WNK2: variants seen among roughly 807,000 people sequenced by gnomAD.
WNK2 encodes WNK lysine deficient protein kinase 2.
In WNK2, 67 loss-of-function variants were observed where a neutral mutation model predicts 192.1. The observed-to-expected ratio is 0.35, with a 90% CI of 0.29 to 0.43. WNK2 has a LOEUF of 0.43. Ranked by LOEUF, WNK2 falls within the 20% of genes least tolerant of loss-of-function variation. WNK2 has a pLI of 1.00. For missense variants in WNK2, 2,698 were observed against 3,089.7 expected (o/e 0.87, Z 3.01); for synonymous variants, 1,439 against 1,393.9 (o/e 1.03, Z -0.72).
chr9:93,308,122 A>C (rs960552728), intron 27 of WNK2: 176 of 1,081,500 alleles, frequency 1.6e-4, no homozygotes, highest in Non-Finnish European at 2.1e-4. Context: ...GGTGATGGCC[A>C]CCTGGCACAG....
intron 2 of WNK2, among the ~76,000 whole-genome samples, chr9:93,219,002 A>T (rs1044814849): frequency 6.6e-6 from 1 of 152,166 alleles, no homozygotes; most frequent in Non-Finnish European, 1.5e-5. Flanking sequence ...CCACCCAGTG[A>T]CATGGCACCA....
rs58293954 is a variant in WNK2, at chr9:93,249,907, ATTTTTT to A, written c.1834+2094_1834+2099del. 1.1e-3 allele frequency among the ~76,000 whole-genome samples: 96 copies of A among 85,442 alleles called. 1 individual carries two copies. Among genetic ancestry groups the A allele is most frequent in the African/African-American group, 2.5e-3 (52 of 20,614 alleles). 56.1% of individuals were successfully genotyped at this position (85,442 alleles called of 152,430 possible). A position where few individuals can be genotyped will look rare whatever the true frequency, so the allele number is the denominator to read the frequency against. On this transcript the variant is annotated intron_variant, in intron 8 of 29. Coordinates refer to ENST00000427277, the MANE Select transcript of WNK2 (RefSeq NM_006648.4). ...TCCCTAGAGGCAACAGATGCTACCA[ATTTTTT>A]TTTTTTTTTTTTTTTTTTTTAAAGA...
chr9:93,256,542 C>T (rs1482871897), intron 10 of WNK2, 88 bp downstream of exon 10: 15 of 1,385,334 alleles, frequency 1.1e-5, no homozygotes, highest in Non-Finnish European at 1.3e-5. Context: ...GAGCACCTCC[C>T]ACAGACCCTT....
In WNK2 at chr9:93,259,685, A is replaced by G; in HGVS notation, c.3066+71A>G. On this transcript the variant is annotated intron_variant, in intron 12 of 29. Coordinates refer to ENST00000427277, the MANE Select transcript of WNK2 (RefSeq NM_006648.4). The surrounding 1 kb of genome is among the most constrained non-coding windows in gnomAD (Gnocchi z 4.8). ...CCCTCAGGACCCAGAGATGCAAAGG[A>G]GGACAGAGGCAGGCAAGGAGGCAGC... 7.2e-7 allele frequency: 1 copy of G among 1,388,300 alleles called. No individual in the cohort carries two copies. The highest frequency in any genetic ancestry group is 9.5e-7 in the Non-Finnish European group (1 of 1,050,676). The allele number at this position is 1,388,300 out of a possible 1,614,324, so 86.0% of individuals were successfully genotyped here.
rs180863418 is a variant in WNK2, at chr9:93,247,117, G to A, written c.1543-426G>A. On this transcript the variant is annotated intron_variant, in intron 7 of 29. Coordinates refer to ENST00000427277, the MANE Select transcript of WNK2 (RefSeq NM_006648.4). The surrounding 1 kb of genome is among the most constrained non-coding windows in gnomAD (Gnocchi z 5.2). Reference sequence around the variant, plus strand: ...CCATCTGCAACTCGGGTGTGGCCCCGTTCCCCATCTTTGGGCAGCCCCAGA... The same window carrying A: ...CCATCTGCAACTCGGGTGTGGCCCCATTCCCCATCTTTGGGCAGCCCCAGA... 6.6e-6 allele frequency among the ~76,000 whole-genome samples: 1 copy of A among 152,274 alleles called. No individual in the cohort carries two copies. The highest frequency in any genetic ancestry group is 1.9e-4 in the East Asian group (1 of 5,174).
chr9:93,210,048 G>A (rs376095971), intron 2 of WNK2, among the ~76,000 whole-genome samples: 19 of 152,320 alleles, frequency 1.2e-4, no homozygotes, highest in African/African-American at 4.6e-4. Context: ...GCCCCACTGT[G>A]AGGATGGTGG....
At position 93,259,650 on chromosome 9, in the gene WNK2, C is replaced by T. The variant is rs1311529479; in HGVS notation, c.3066+36C>T. On this transcript the variant is annotated intron_variant, in intron 12 of 29. Transcript: ENST00000427277. The surrounding 1 kb of genome is among the most constrained non-coding windows in gnomAD (Gnocchi z 4.8). ...GCTGGGCAGGGGCTCACCCTCCCAG[C>T]GTCTGGGGACCCTCAGGACCCAGAG... 8.0e-6 allele frequency: 12 copies of T among 1,499,370 alleles called. No individual in the cohort carries two copies. Among genetic ancestry groups the T allele is most frequent in the East Asian group, 2.3e-5 (1 of 42,586 alleles). The allele number at this position is 1,499,370 out of a possible 1,614,324, so 92.9% of individuals were successfully genotyped here.
chr9:93,188,020 G>A (rs1829657595), intron 2 of WNK2, among the ~76,000 whole-genome samples: 1 of 152,168 alleles, frequency 6.6e-6, no homozygotes, highest in Non-Finnish European at 1.5e-5. Context: ...ACAGTGTGGA[G>A]ATGCCATCCT....
At chr9:93,308,106 G>C in intron 27 of WNK2, 2 of 887,172 alleles carry the variant, frequency 2.3e-6, no homozygotes, top group Non-Finnish European at 3.3e-6. Flanking sequence ...CCTGGCTTCT[G>C]AGGTGGGTGA....
intron 2 of WNK2, among the ~76,000 whole-genome samples, chr9:93,226,525 A>G (rs1367984123): frequency 1.3e-5 from 2 of 152,144 alleles, no homozygotes; most frequent in Admixed American, 1.3e-4. Context: ...TTAAGTGTGC[A>G]AGTTGAGCTC....
At chr9:93,184,503 C>T (rs995861252) in intron 1 of WNK2, among the ~76,000 whole-genome samples, 118 bp downstream of exon 1, 14 of 152,044 alleles carry the variant, frequency 9.2e-5, no homozygotes, top group Admixed American at 2.0e-4. Context: ...TGTGGAGCCG[C>T]CGCCGGGCCA....
At chr9:93,245,934 A>G (rs550207483) in intron 7 of WNK2, among the ~76,000 whole-genome samples, 110 of 152,258 alleles carry the variant, frequency 7.2e-4, no homozygotes, top group African/African-American at 2.4e-3. Context: ...CATTTGTGAC[A>G]TGGCTTCCCC....
At chr9:93,289,877 A>G in intron 20 of WNK2, 101 bp from the exon 21 acceptor site, 1 of 1,233,514 alleles carries the variant, frequency 8.1e-7, no homozygotes, top group Admixed American at 2.2e-5. Flanking sequence ...GGGGCAGCCC[A>G]GGGGCAGCTT....
chr9:93,316,084 C>A (rs1023732009), intron 28 of WNK2: 1 of 152,180 alleles, frequency 6.6e-6, no homozygotes, highest in Non-Finnish European at 1.5e-5. Context: ...AGCAGACATT[C>A]GTCAAGTGGT....
chr9:93,280,930 A>G (rs1391583031), intron 19 of WNK2, among the ~76,000 whole-genome samples: 1 of 152,240 alleles, frequency 6.6e-6, no homozygotes, highest in African/African-American at 2.4e-5. Context: ...ACATTGCAGC[A>G]TGGATGATTT....
At chr9:93,233,684 A>G (rs1839294256) in intron 4 of WNK2, among the ~76,000 whole-genome samples, 1 of 140,474 alleles carries the variant, frequency 7.1e-6, no homozygotes, top group African/African-American at 2.7e-5. Flanking sequence ...CCTGGGGGAC[A>G]GAGTGAGATT....
At chr9:93,199,346 C>T (rs912956148) in intron 2 of WNK2, among the ~76,000 whole-genome samples, 1 of 152,176 alleles carries the variant, frequency 6.6e-6, no homozygotes, top group Admixed American at 6.5e-5. Context: ...GACCTCCTAC[C>T]TTAGCCCTGC....
chr9:93,255,403 G>A (rs1022290284), intron 9 of WNK2, among the ~76,000 whole-genome samples: 3 of 152,160 alleles, frequency 2.0e-5, no homozygotes, highest in Admixed American at 1.3e-4. Context: ...GCTGGTAGAC[G>A]GATGGTCCGG....
chr9:93,288,746 T>C, intron 19 of WNK2, 42 bp from the exon 20 acceptor site: 1 of 1,546,188 alleles, frequency 6.5e-7, no homozygotes, highest in Non-Finnish European at 8.7e-7. Flanking sequence ...TAGATAGGAC[T>C]GGAGTACCCT....
Sources: gnomAD v4.1 joint callset for allele counts (sites outside exome capture counted in the v4.1 genomes callset) on GRCh38, gnomAD v4.1.1 for gene constraint, Gnocchi (gnomAD v3.1) non-coding constraint, MANE v1.5 for transcripts, NCBI Gene and HGNC (gene_info 2026-07-23, HGNC 2026-07-21) for gene names.